CEP250: variants seen among roughly 807,000 people sequenced by gnomAD.
The protein encoded by CEP250 is centrosomal protein 250, also known as centrosome-associated protein CEP250.
A neutral mutation model predicts 315.7 loss-of-function variants in CEP250; 242 were observed. That is an observed-to-expected ratio of 0.77 (90% CI 0.69 to 0.85). The LOEUF (loss-of-function observed/expected upper bound fraction) is 0.85, where lower values mean the gene tolerates loss of function less well. Ranked by LOEUF, CEP250 falls within the 40% of genes least tolerant of loss-of-function variation. CEP250 has a pLI of 0.00. For synonymous variants in CEP250, 1,088 were observed against 1,175.0 expected (o/e 0.93, Z 1.51); for missense variants, 2,515 against 2,886.4 (o/e 0.87, Z 2.95).
chr20:35,457,659 C>T (rs2062661701), intron 1 of CEP250, among the ~76,000 whole-genome samples: 1 of 152,020 alleles, frequency 6.6e-6, no homozygotes, highest in Non-Finnish European at 1.5e-5. Context: ...ATTAGCTGGT[C>T]GTGGTGGCAC....
intron 27 of CEP250, among the ~76,000 whole-genome samples, chr20:35,499,578 C>A (rs1280748793): frequency 6.6e-6 from 1 of 152,184 alleles, no homozygotes; most frequent in Non-Finnish European, 1.5e-5. Context: ...AGGCTTGTGA[C>A]ATGGTGGAGG....
chr20:35,478,751 T>A (rs2063247669), intron 17 of CEP250, among the ~76,000 whole-genome samples: 1 of 152,186 alleles, frequency 6.6e-6, no homozygotes, highest in African/African-American at 2.4e-5. Context: ...CAAAGCTATA[T>A]CTTATTTGTT....
intron 19 of CEP250, 77 bp from the exon 20 acceptor site, chr20:35,479,899 A>C (rs1372008803): frequency 1.3e-6 from 2 of 1,594,142 alleles, no homozygotes; most frequent in Non-Finnish European, 1.7e-6. Context: ...GGAGTTGCTC[A>C]TGAGGTCAGG....
intron 20 of CEP250, among the ~76,000 whole-genome samples, chr20:35,490,066 A>G (rs903264728): frequency 6.6e-6 from 1 of 152,098 alleles, no homozygotes; most frequent in African/African-American, 2.4e-5. Context: ...TAATCCCAGC[A>G]CTTTGGGAGG....
chr20:35,468,891 G>A (rs930335066), intron 9 of CEP250, among the ~76,000 whole-genome samples: 6 of 151,446 alleles, frequency 4.0e-5, no homozygotes, highest in East Asian at 2.0e-4. Context: ...TTCCCAGGCC[G>A]GTCTGGAACT....
rs781139099 is a variant in CEP250, at chr20:35,493,583, C to A, written c.3033+11C>A. 4 of 1,516,998 alleles carry A rather than the reference C, an allele frequency of 2.6e-6. No homozygotes were observed. In the East Asian group the frequency reaches 9.6e-5, roughly 36 times the overall value. The allele number at this position is 1,516,998 out of a possible 1,614,324, so 94.0% of individuals were successfully genotyped here. ...GACCTGCAGAAGCAGGTCCCCTCCTCCTCCCCACCAAGTCCCATGGTCCTT... is the reference window on the plus strand; with the variant it reads ...GACCTGCAGAAGCAGGTCCCCTCCTACTCCCCACCAAGTCCCATGGTCCTT... On this transcript the variant is annotated intron_variant, in intron 23 of 34. Coordinates refer to ENST00000397527, the MANE Select transcript of CEP250 (RefSeq NM_007186.6).
chr20:35,486,181 AT>A (rs1192843059), intron 20 of CEP250, among the ~76,000 whole-genome samples: 1 of 151,156 alleles, frequency 6.6e-6, no homozygotes, highest in African/African-American at 2.4e-5. Flanking sequence ...CACCTGGCTA[AT>A]TTTTGCATTT....
rs1214224306 is a variant in CEP250, at chr20:35,480,657, T to C, written c.2586+512T>C. On this transcript the variant is annotated intron_variant, in intron 20 of 34. Transcript: ENST00000397527. ...CCTCAGGCTGGAGTACAGTGGTGCA[T>C]TCTTGGCTCACTGCAACCTCCGCCT... Among the ~76,000 whole-genome samples the C allele has an allele frequency of 2.0e-5, 3 of 149,256 alleles. No individual in the cohort carries two copies. The East Asian group carries it at 6.0e-4, about 30-fold the overall frequency.
In CEP250 at chr20:35,503,104, C is replaced by A; in HGVS notation, c.4735C>A (p.Leu1579Met). 3 of 1,614,166 alleles carry A rather than the reference C, an allele frequency of 1.9e-6. No homozygotes were observed. The highest frequency in any genetic ancestry group is 1.7e-6 in the Non-Finnish European group (2 of 1,180,022). The change falls in exon 30 of 35, where the codon CTG becomes ATG. Residue 1579 changes from leucine to methionine, a missense_variant. Leu to Met is a conservative substitution (Grantham distance 15, BLOSUM62 2). Coordinates refer to ENST00000397527, the MANE Select transcript of CEP250 (RefSeq NM_007186.6). The surrounding 1 kb of genome is among the most constrained non-coding windows in gnomAD (Gnocchi z 4.2). The stretch of plus-strand genomic sequence containing the variant: ...GTGCCAGCAAAAACTGATCAAGGAG[C>A]TGGAGGGCCAGAGGGAAACCCAGAG... Reference protein sequence around the residue: ...MECQQKLIKELEGQRETQRVA... With the variant: ...MECQQKLIKEMEGQRETQRVA...
intron 14 of CEP250, among the ~76,000 whole-genome samples, chr20:35,474,403 A>G (rs1252399823): frequency 6.6e-6 from 1 of 152,228 alleles, no homozygotes; most frequent in African/African-American, 2.4e-5. Flanking sequence ...TTGGGAGCAC[A>G]GGAGTGACAG....
At chr20:35,480,935 G>A (rs980303211) in intron 20 of CEP250, among the ~76,000 whole-genome samples, 1 of 152,012 alleles carries the variant, frequency 6.6e-6, no homozygotes, top group African/African-American at 2.4e-5. Flanking sequence ...ACTTCTTTTA[G>A]AGGATTAAGT....
intron 14 of CEP250, 73 bp downstream of exon 14, chr20:35,474,125 C>A: frequency 7.9e-7 from 1 of 1,263,536 alleles, no homozygotes; most frequent in Non-Finnish European, 1.1e-6. Context: ...GTCTACTCCC[C>A]TCTGTTACAA....
chr20:35,472,395 G>A (rs981381919), intron 11 of CEP250, among the ~76,000 whole-genome samples: 5 of 152,224 alleles, frequency 3.3e-5, no homozygotes, highest in African/African-American at 1.2e-4. Context: ...CTGGAGGCTA[G>A]ATTCTGGTAT....
At chr20:35,502,031 C>G (rs774390448) in intron 29 of CEP250, 65 bp downstream of exon 29, 1 of 1,547,858 alleles carries the variant, frequency 6.5e-7, no homozygotes, top group Non-Finnish European at 8.7e-7. Flanking sequence ...CCACCTTGGC[C>G]TGTGGTCCTG....
intron 26 of CEP250, 126 bp from the exon 27 acceptor site, chr20:35,498,469 C>A: frequency 8.6e-7 from 1 of 1,163,476 alleles, no homozygotes; most frequent in Non-Finnish European, 1.2e-6. Context: ...GATGAGTGAA[C>A]TGCTGAGAAA....
chr20:35,507,394 C>T (rs77450183), intron 30 of CEP250, among the ~76,000 whole-genome samples: 3,210 of 152,176 alleles, frequency 0.021, 62 homozygotes, highest in South Asian at 0.074. Flanking sequence ...CCACTGGGTA[C>T]GCCACAGGGC....
At chr20:35,494,424 CTA>C in intron 23 of CEP250, 98 bp from the exon 24 acceptor site, 1 of 1,486,064 alleles carries the variant, frequency 6.7e-7, no homozygotes. Context: ...TGGCCACTGA[CTA>C]TGGTAAACCT....
chr20:35,479,478 G>A, intron 18 of CEP250, 54 bp downstream of exon 18: 1 of 1,570,914 alleles, frequency 6.4e-7, no homozygotes, highest in South Asian at 1.2e-5. Flanking sequence ...CAAGGCAAAG[G>A]CGTGAAGCTA....
rs199560794 is a variant in CEP250 at position 35,504,059 on chromosome 20, G to A, written c.5690G>A (p.Arg1897Gln). Residue 1897 changes from arginine to glutamine, a missense_variant, in exon 30 of 35, where the codon CGG becomes CAG. Arg to Gln is a conservative substitution (Grantham distance 43, BLOSUM62 1). Transcript: ENST00000397527. ...CTGGGAGACCTAAGGGCTGAGTCTC[G>A]GGAACAGGAGAAAGCTCTGTTGGCC... ...EVLGDLRAESREQEKALLALQ... is the reference protein window; with the variant it reads ...EVLGDLRAESQEQEKALLALQ... The A allele has an allele frequency of 1.2e-6, 2 of 1,606,048 alleles. No individual in the cohort carries two copies. The highest frequency in any genetic ancestry group is 1.3e-5 in the African/African-American group (1 of 74,784).
Sources: gnomAD v4.1 joint callset for allele counts (sites outside exome capture counted in the v4.1 genomes callset) on GRCh38, gnomAD v4.1.1 for gene constraint, Gnocchi (gnomAD v3.1) non-coding constraint, MANE v1.5 for transcripts, NCBI Gene and HGNC (gene_info 2026-07-23, HGNC 2026-07-21) for gene names.